The following GRXCR2 variants were observed in gnomAD, a reference collection of about 807,000 sequenced individuals.
GRXCR2 encodes the protein glutaredoxin and cysteine rich domain containing 2.
In GRXCR2, 23 loss-of-function variants were observed where a neutral mutation model predicts 24.8. The ratio of observed to expected loss-of-function variants is 0.93; its 90% CI spans 0.67 to 1.32. The LOEUF is 1.32. GRXCR2 is among the 40% of genes most tolerant of loss of function. The probability of loss-of-function intolerance (pLI) is 0.00; values close to 1 mark genes in which losing one functional copy is unlikely to be tolerated. For missense variants in GRXCR2, 315 were observed against 303.4 expected, an observed-to-expected ratio of 1.04 and a Z score of -0.28; for synonymous variants, 130 against 116.1, an observed-to-expected ratio of 1.12 and a Z score of -0.77.
At chr5:145,919,361 T>G (rs998753220) in intron 2 of GRXCR2, among the ~76,000 whole-genome samples, 1 of 152,194 alleles carries the variant, frequency 6.6e-6, no homozygotes, top group African/African-American at 2.4e-5. Flanking sequence ...TGCATGCATA[T>G]CTAATTAACC....
chr5:145,860,774 GTTTC>G (rs1756323946), intron 2 of GRXCR2, among the ~76,000 whole-genome samples: 1 of 152,026 alleles, frequency 6.6e-6, no homozygotes, highest in Admixed American at 6.6e-5. Flanking sequence ...CTCCCAATCT[GTTTC>G]TTTATTTATA....
chr5:145,863,499 C>A (rs1335592394), intron 2 of GRXCR2, among the ~76,000 whole-genome samples: 1 of 152,148 alleles, frequency 6.6e-6, no homozygotes, highest in Non-Finnish European at 1.5e-5. Context: ...TTCAGGCCTG[C>A]AGTATGACCT....
intron 2 of GRXCR2, among the ~76,000 whole-genome samples, chr5:145,905,818 C>A (rs1757083979): frequency 6.6e-6 from 1 of 151,846 alleles, no homozygotes; most frequent in African/African-American, 2.4e-5. Context: ...ATAGTAAGTG[C>A]TTAATAAGTG....
At chr5:145,926,636 T>C (rs189082065) in intron 2 of GRXCR2, among the ~76,000 whole-genome samples, 11 of 152,308 alleles carry the variant, frequency 7.2e-5, no homozygotes, top group Admixed American at 5.2e-4. Flanking sequence ...TGTAGCCTTG[T>C]AGTATAGTTT....
At chr5:145,881,865 A>G (rs1164822658) in intron 2 of GRXCR2, among the ~76,000 whole-genome samples, 2 of 152,130 alleles carry the variant, frequency 1.3e-5, no homozygotes, top group Non-Finnish European at 2.9e-5. Flanking sequence ...AAATAACACC[A>G]CACATCTACA....
At chr5:145,920,178 T>C (rs1419825434) in intron 2 of GRXCR2, among the ~76,000 whole-genome samples, 1 of 152,126 alleles carries the variant, frequency 6.6e-6, no homozygotes, top group Non-Finnish European at 1.5e-5. Context: ...GTCTACACTA[T>C]TACTCCTGCT....
At chr5:145,882,493 A>T (rs1019335328) in intron 2 of GRXCR2, among the ~76,000 whole-genome samples, 1 of 152,198 alleles carries the variant, frequency 6.6e-6, no homozygotes, top group Non-Finnish European at 1.5e-5. Context: ...ACCAATTAGA[A>T]TGGCGATAAC....
At chr5:145,887,653 T>C (rs1756796618) in intron 2 of GRXCR2, among the ~76,000 whole-genome samples, 1 of 152,242 alleles carries the variant, frequency 6.6e-6, no homozygotes. Flanking sequence ...GCTGTTTCTC[T>C]ATTTATTTTA....
intron 2 of GRXCR2, among the ~76,000 whole-genome samples, chr5:145,902,591 G>T (rs559375373): frequency 2.0e-5 from 3 of 152,286 alleles, no homozygotes; most frequent in African/African-American, 4.8e-5. Flanking sequence ...CCAACCAGAG[G>T]GGGTAGATGT....
chr5:145,913,672 T>C (rs980094510), intron 2 of GRXCR2, among the ~76,000 whole-genome samples: 1 of 152,026 alleles, frequency 6.6e-6, no homozygotes, highest in African/African-American at 2.4e-5. Flanking sequence ...ACAAAGATCT[T>C]TTCATTTAAT....
chr5:145,861,433 C>A (rs538414296), intron 2 of GRXCR2, among the ~76,000 whole-genome samples: 1 of 152,118 alleles, frequency 6.6e-6, no homozygotes, highest in South Asian at 2.1e-4. Context: ...CCAATCCCAA[C>A]GCAGCCAACT....
intron 2 of GRXCR2, among the ~76,000 whole-genome samples, chr5:145,862,163 A>C (rs1440284351): frequency 1.3e-5 from 2 of 152,234 alleles, no homozygotes; most frequent in African/African-American, 2.4e-5. Context: ...ATAAGTCCAC[A>C]CTGTGAGGGA....
At chr5:145,880,769 G>A (rs939116135) in intron 2 of GRXCR2, among the ~76,000 whole-genome samples, 2 of 152,054 alleles carry the variant, frequency 1.3e-5, no homozygotes, top group African/African-American at 2.4e-5. Context: ...ACATGAGTGC[G>A]AAAATTCTCA....
chr5:145,858,590 C>T lies in GRXCR2; in HGVS notation c.*1143G>A, dbSNP rs895445235. 6.6e-5 allele frequency: 10 copies of T among 151,978 alleles called. No individual in the cohort carries two copies. Among genetic ancestry groups the T allele is most frequent in the African/African-American group, 1.4e-4 (6 of 41,388 alleles). 9.4% of individuals were successfully genotyped at this position (151,978 alleles called of 1,614,324 possible). On this transcript the variant is annotated 3_prime_UTR_variant, in exon 3 of 3. Coordinates refer to ENST00000377976, the MANE Select transcript of GRXCR2 (RefSeq NM_001080516.2). ...CATTCCATTGTTAAATTATGTTAAA[C>T]GCTGAATATTAGAGAATAACAAACA...
At chr5:145,864,082 A>G (rs893129698) in intron 2 of GRXCR2, among the ~76,000 whole-genome samples, 4 of 152,160 alleles carry the variant, frequency 2.6e-5, no homozygotes, top group African/African-American at 9.7e-5. Context: ...GAGGGGTGTA[A>G]GGTGCCCTGA....
upstream of GRXCR2, among the ~76,000 whole-genome samples, chr5:145,876,929 T>C (rs1416625491): frequency 6.6e-6 from 1 of 152,176 alleles, no homozygotes; most frequent in Non-Finnish European, 1.5e-5. Flanking sequence ...TGTAGCTCCA[T>C]ATATCCAAAG....
chr5:145,928,042 A>C (rs1297165034), intron 2 of GRXCR2, among the ~76,000 whole-genome samples: 2 of 152,076 alleles, frequency 1.3e-5, no homozygotes, highest in Non-Finnish European at 2.9e-5. Context: ...CAATGAACTC[A>C]AACAAATTTA....
intron 2 of GRXCR2, among the ~76,000 whole-genome samples, chr5:145,865,213 C>T (rs1756409849): frequency 6.6e-6 from 1 of 152,128 alleles, no homozygotes; most frequent in South Asian, 2.1e-4. Flanking sequence ...CAGTGAATCC[C>T]ACAGAAAACA....
intron 1 of GRXCR2, among the ~76,000 whole-genome samples, chr5:145,871,559 G>A (rs1044417032): frequency 2.6e-5 from 4 of 152,132 alleles, no homozygotes; most frequent in Admixed American, 6.6e-5. Context: ...ATGACACTTT[G>A]TACTGCATAC....
Sources: allele counts gnomAD v4.1 joint callset (sites outside exome capture counted in the v4.1 genomes callset), GRCh38; gene constraint gnomAD v4.1.1; transcripts MANE v1.5; gene names NCBI Gene and HGNC (gene_info 2026-07-23, HGNC 2026-07-21).